The following PDE4C variants were observed in gnomAD, a reference collection of about 807,000 sequenced individuals.
PDE4C encodes the protein phosphodiesterase 4C.
In PDE4C, 50 loss-of-function variants were observed where a neutral mutation model predicts 63.9. That is an observed-to-expected ratio of 0.78 (90% CI 0.62 to 0.99). PDE4C has a LOEUF of 0.99. PDE4C is among the 50% of genes least tolerant of loss of function. PDE4C has a pLI of 0.00. For synonymous variants in PDE4C, 377 were observed against 385.1 expected, an observed-to-expected ratio of 0.98 and a Z score of 0.25; for missense variants, 777 against 899.1, an observed-to-expected ratio of 0.86 and a Z score of 1.74.
upstream of PDE4C, chr19:18,250,385 C>T: frequency 2.5e-6 from 1 of 399,098 alleles, no homozygotes; most frequent in Non-Finnish European, 4.4e-6. Context: ...GACCACAGAC[C>T]CGATGAGCAA....
At chr19:18,250,382 G>A (rs1331132251), upstream of PDE4C, 1 of 398,984 alleles carries the variant, frequency 2.5e-6, no homozygotes, top group Non-Finnish European at 4.4e-6. Flanking sequence ...CATGACCACA[G>A]ACCCGATGAG....
At chr19:18,221,123 T>C (rs1968462841) in exon 4 of PDE4C, 1 of 1,502,584 alleles carries the variant, frequency 6.7e-7, no homozygotes, top group African/African-American at 1.4e-5. Context: ...TCCTAGGCAT[T>C]GCTGGCGGGC....
upstream of PDE4C, chr19:18,226,517 CG>C: frequency 2.1e-6 from 2 of 937,696 alleles, no homozygotes; most frequent in South Asian, 6.4e-5. Flanking sequence ...AAGGGCGCAT[CG>C]GCCCCGCCTC....
exon 1 of PDE4C, chr19:18,233,244 CG>C: frequency 6.5e-7 from 1 of 1,542,238 alleles, no homozygotes; most frequent in Non-Finnish European, 8.7e-7. Context: ...TCCCCGTGAG[CG>C]GGCGCCGAGG....
chr19:18,236,066 C>T (rs35174700), upstream of PDE4C, among the ~76,000 whole-genome samples: 1 of 151,410 alleles, frequency 6.6e-6, no homozygotes, highest in Non-Finnish European at 1.5e-5. Context: ...CCTCAGCCTC[C>T]TGAGTAGCTG....
exon 15 of PDE4C, chr19:18,210,924 T>G: frequency 6.3e-7 from 1 of 1,596,206 alleles, no homozygotes. Context: ...CACGCAGGGC[T>G]GGCCCTAAGT....
intron 9 of PDE4C, 84 bp from the exon 10 acceptor site, chr19:18,218,582 A>G: frequency 6.8e-7 from 1 of 1,470,368 alleles, no homozygotes; most frequent in Non-Finnish European, 9.4e-7. Flanking sequence ...CTGAACTCCT[A>G]TCTATGCCTC....
At chr19:18,237,954 C>T (rs1015144993), upstream of PDE4C, among the ~76,000 whole-genome samples, 1 of 151,752 alleles carries the variant, frequency 6.6e-6, no homozygotes, top group Non-Finnish European at 1.5e-5. Flanking sequence ...ATAGCATGCT[C>T]AGTAGGGCAC....
chr19:18,226,944 G>A (rs1319686326), upstream of PDE4C, among the ~76,000 whole-genome samples: 2 of 152,092 alleles, frequency 1.3e-5, no homozygotes, highest in Non-Finnish European at 1.5e-5. Flanking sequence ...TAAGATCTCA[G>A]AGCCTGGATC....
chr19:18,213,140 T>C (rs961233583), intron 13 of PDE4C, among the ~76,000 whole-genome samples: 1 of 150,708 alleles, frequency 6.6e-6, no homozygotes, highest in Non-Finnish European at 1.5e-5. Context: ...AAAAATTAGC[T>C]GGGCGCGGTG....
chr19:18,208,208 T>C (rs1967765587), downstream of PDE4C: 1 of 152,204 alleles, frequency 6.6e-6, no homozygotes, highest in Admixed American at 6.5e-5. Context: ...TTCTGAGTGG[T>C]TATAATATTT....
chr19:18,243,786 C>G (rs759231289), intron 1 of PDE4C, among the ~76,000 whole-genome samples: 3 of 152,158 alleles, frequency 2.0e-5, no homozygotes, highest in Non-Finnish European at 2.9e-5. Context: ...CTCCCAGGGA[C>G]TAGGGATGGG....
chr19:18,219,824 A>G (rs1026673603), intron 7 of PDE4C, among the ~76,000 whole-genome samples: 4 of 146,756 alleles, frequency 2.7e-5, no homozygotes, highest in Admixed American at 1.4e-4. Flanking sequence ...CTCTGTATCA[A>G]AAAAAAAAAA....
chr19:18,212,445 G>T (rs1224426500), intron 13 of PDE4C, among the ~76,000 whole-genome samples: 1 of 149,038 alleles, frequency 6.7e-6, no homozygotes, highest in South Asian at 2.1e-4. Context: ...AAAGTGCTGG[G>T]ATTACAGGTG....
intron 1 of PDE4C, among the ~76,000 whole-genome samples, chr19:18,241,624 C>T (rs960525563): frequency 9.9e-5 from 15 of 152,004 alleles, no homozygotes; most frequent in African/African-American, 3.6e-4. Context: ...AGTCTTAACT[C>T]ACTGCAGCCT....
At chr19:18,244,787 C>T (rs1207791139) in intron 1 of PDE4C, among the ~76,000 whole-genome samples, 2 of 151,804 alleles carry the variant, frequency 1.3e-5, no homozygotes, top group East Asian at 1.9e-4. Context: ...GCTAGGATTA[C>T]AGGCATGAGC....
At chr19:18,246,629 C>A (rs752837034) in intron 1 of PDE4C, among the ~76,000 whole-genome samples, 2 of 151,980 alleles carry the variant, frequency 1.3e-5, no homozygotes, top group African/African-American at 4.8e-5. Context: ...TTTTAACACA[C>A]AAAAACGCTG....
At position 18,220,897 on chromosome 19, in the gene PDE4C, G is replaced by A. The variant is rs757922084; in HGVS notation, c.476C>T (p.Ser159Phe). The change falls in exon 5 of 15, where the codon TCC becomes TTC. Residue 159 changes from serine to phenylalanine, a missense_variant. Around this residue, in one of 3 missense-constraint regions of PDE4C, gnomAD observed 249 missense variants for 247.8 expected, o/e 1.00. Coordinates refer to ENST00000262805, the Ensembl canonical transcript of PDE4C. The surrounding 1 kb of genome is among the most constrained non-coding windows in gnomAD (Gnocchi z 5.1). Reference sequence around the variant, plus strand: ...ACCTGCAGGAGGGAGCTGATTGCTGGATGAAGGGTTTCCGACGGGTCCCTG... The same window carrying A: ...ACCTGCAGGAGGGAGCTGATTGCTGAATGAAGGGTTTCCGACGGGTCCCTG... 3.7e-6 allele frequency: 6 copies of A among 1,608,552 alleles called. No individual in the cohort carries two copies. Among genetic ancestry groups the A allele is most frequent in the Non-Finnish European group, 4.2e-6 (5 of 1,178,442 alleles).
exon 15 of PDE4C, chr19:18,210,892 A>G: frequency 6.5e-7 from 1 of 1,541,250 alleles, no homozygotes; most frequent in Non-Finnish European, 8.7e-7. Flanking sequence ...AAAGGGCTTT[A>G]CCATCCATTG....
Sources: gnomAD v4.1 joint callset for allele counts (sites outside exome capture counted in the v4.1 genomes callset) on GRCh38, gnomAD v4.1.1 for gene constraint, gnomAD v4.1.1 regional missense constraint, Gnocchi (gnomAD v3.1) non-coding constraint, MANE v1.5 for transcripts, NCBI Gene and HGNC (gene_info 2026-07-23, HGNC 2026-07-21) for gene names.